CRHBP: variants seen among roughly 807,000 people sequenced by gnomAD.
CRHBP encodes corticotropin releasing hormone binding protein.
CRHBP carries 19 observed loss-of-function variants against 34.9 expected under a neutral mutation model. The ratio of observed to expected loss-of-function variants is 0.55; its 90% CI spans 0.38 to 0.80. CRHBP has a LOEUF of 0.80. Among genes scored for constraint, CRHBP ranks in the 30% least tolerant of loss-of-function variants. The probability of loss-of-function intolerance (pLI) is 0.00; values close to 1 mark genes in which losing one functional copy is unlikely to be tolerated. For synonymous variants in CRHBP, 154 were observed against 153.4 expected (o/e 1.00, Z -0.03); for missense variants, 328 against 409.2 (o/e 0.80, Z 1.71).
At position 76,961,610 on chromosome 5, in the gene CRHBP, T is replaced by C. The variant is rs1460212243; in HGVS notation, c.694-1733T>C. 3.3e-5 allele frequency among the ~76,000 whole-genome samples: 5 copies of C among 152,342 alleles called. No homozygotes were observed. In the South Asian group the frequency reaches 1.0e-3, roughly 32 times the overall value. On this transcript the variant is annotated intron_variant, in intron 5 of 6. Transcript: ENST00000274368. ...TAAAGCCTCTAAGCATCAAACCCAG[T>C]ACATAGTAGGTAGGCCCTTTAAAAA...
At chr5:76,974,846 T>A (rs72763265) in intron 2 of CRHBP, among the ~76,000 whole-genome samples, 1 of 152,070 alleles carries the variant, frequency 6.6e-6, no homozygotes, top group Non-Finnish European at 1.5e-5. Flanking sequence ...AGAGGAAATA[T>A]GGGTGAGAGA....
chr5:76,954,213 A>C, intron 3 of CRHBP, 27 bp downstream of exon 3: 1 of 1,606,712 alleles, frequency 6.2e-7, no homozygotes, highest in Non-Finnish European at 8.5e-7. Context: ...CAGCCAACCT[A>C]GCCGGAGGGC....
intron 2 of CRHBP, among the ~76,000 whole-genome samples, chr5:76,975,845 T>TACAC (rs1554043512): frequency 1.0e-5 from 1 of 97,640 alleles, no homozygotes; most frequent in African/African-American, 5.8e-5. Flanking sequence ...TATATATATA[T>TACAC]ACACGCATAT....
chr5:76,968,724 A>G lies in CRHBP; in HGVS notation c.812-4A>G, dbSNP rs771606098. The G allele has an allele frequency of 1.2e-6, 2 of 1,609,622 alleles. No homozygotes were observed. Among genetic ancestry groups the G allele is most frequent in the African/African-American group, 1.3e-5 (1 of 74,818 alleles). On this transcript the variant is annotated splice_polypyrimidine_tract_variant and splice_region_variant and intron_variant, in intron 6 of 6. Transcript: ENST00000274368. The stretch of plus-strand genomic sequence containing the variant: ...GAAACTTTTATCTTTTCCATCCATT[A>G]TAGCCCAGATGAAAGTTGGCTGTGA...
intron 3 of CRHBP, among the ~76,000 whole-genome samples, chr5:76,979,638 C>T (rs574142292): frequency 2.0e-5 from 3 of 152,198 alleles, no homozygotes; most frequent in South Asian, 2.1e-4. Context: ...CGTGAGACAC[C>T]GTGCCCAACC....
At chr5:76,953,996 C>T (rs371692916) in intron 2 of CRHBP, 33 bp from the exon 3 acceptor site, 105 of 1,588,932 alleles carry the variant, frequency 6.6e-5, no homozygotes, top group Non-Finnish European at 8.3e-5. Context: ...GGCTGCAGCC[C>T]GGGACTTATT....
chr5:76,967,637 T>C (rs1745878618), intron 6 of CRHBP, among the ~76,000 whole-genome samples: 1 of 151,730 alleles, frequency 6.6e-6, no homozygotes. Context: ...TGAGTTTCAA[T>C]ATATAACCCA....
At position 76,967,651 on chromosome 5, in the gene CRHBP, A is replaced by G. The variant is rs541511367; in HGVS notation, c.812-1077A>G. Among the ~76,000 whole-genome samples, 703 of 152,272 alleles carry G rather than the reference A, an allele frequency of 4.6e-3. 9 individuals are homozygous for G. Among genetic ancestry groups the G allele is most frequent in the African/African-American group, 0.016 (667 of 41,548 alleles). ...ATGAGTTTCAATATATAACCCATAC[A>G]GAGGAGATATAAAAGTTGTCAGATC... On this transcript the variant is annotated intron_variant, in intron 6 of 6. Transcript: ENST00000274368.
intron 5 of CRHBP, among the ~76,000 whole-genome samples, chr5:76,959,921 G>A (rs1745749807): frequency 6.6e-6 from 1 of 152,180 alleles, no homozygotes; most frequent in African/African-American, 2.4e-5. Flanking sequence ...TAATCTTGGT[G>A]TTTCCTCCCG....
chr5:76,975,936 GTATA>G lies in CRHBP; in HGVS notation n.312-415_312-412del, dbSNP rs10598432. On this transcript the variant is annotated intron_variant and non_coding_transcript_variant, in intron 2 of 3. Coordinates refer to the CRHBP transcript ENST00000514258. ...TATATGTGTATATATATGTGTGTGTGTATATATATATATATATGCGTGTATATAT... is the reference window on the plus strand; with the variant it reads ...TATATGTGTATATATATGTGTGTGTGTATATATATATATGCGTGTATATAT... Among the ~76,000 whole-genome samples, 59 of 135,218 alleles carry G rather than the reference GTATA, an allele frequency of 4.4e-4. 1 individual carries two copies. Among genetic ancestry groups the G allele is most frequent in the African/African-American group, 2.8e-4 (10 of 35,318 alleles). 88.7% of individuals were successfully genotyped at this position (135,218 alleles called of 152,430 possible).
At position 76,958,805 on chromosome 5, in the gene CRHBP, A is replaced by G. The variant is rs889280452; in HGVS notation, c.609A>G (p.Arg203=). ...CCCTGGTAGTTCCACACCAGCATCG[A>G]AACTGCAGCTTCTCCATAATTTATC... is the stretch of plus-strand genomic sequence containing the variant. ...KFTLVVPHQH[R]NCSFSIIYPV... is the part of the protein sequence containing the mutation. Residue 203 remains arginine (R), a synonymous_variant, in exon 5 of 7, where the codon CGA becomes CGG. Transcript: ENST00000274368. 4.3e-6 allele frequency: 7 copies of G among 1,614,122 alleles called. No individual in the cohort carries two copies. The highest frequency in any genetic ancestry group is 5.9e-6 in the Non-Finnish European group (7 of 1,179,986).
chr5:76,970,688 A>G (rs1462172588), downstream of CRHBP, among the ~76,000 whole-genome samples: 1 of 152,240 alleles, frequency 6.6e-6, no homozygotes, highest in African/African-American at 2.4e-5. Context: ...GAATTAAGGA[A>G]GTTACTTTTA....
rs1261516803 is a variant in CRHBP at position 76,975,833 on chromosome 5, T to A, written n.312-532T>A. ...AAAAAAAAAAAAAAAAAAATATATATATATATATATATACACGCATATATA... is the reference window on the plus strand; with the variant it reads ...AAAAAAAAAAAAAAAAAAATATATAAATATATATATATACACGCATATATA... On this transcript the variant is annotated intron_variant and non_coding_transcript_variant, in intron 2 of 3. Transcript: ENST00000514258. Among the ~76,000 whole-genome samples, 513 of 86,066 alleles carry A rather than the reference T, an allele frequency of 6.0e-3. 10 individuals are homozygous for A. Among genetic ancestry groups the A allele is most frequent in the African/African-American group, 0.022 (320 of 14,766 alleles). The allele number at this position is 86,066 out of a possible 152,430, so 56.5% of individuals were successfully genotyped here.
chr5:76,962,457 G>A lies in CRHBP; in HGVS notation c.694-886G>A, dbSNP rs115175999. 3.1e-3 allele frequency among the ~76,000 whole-genome samples: 469 copies of A among 152,060 alleles called. 5 individuals are homozygous for A. The highest frequency in any genetic ancestry group is 5.3e-3 in the Non-Finnish European group (363 of 67,990). The stretch of plus-strand genomic sequence containing the variant: ...TTGTTTGTGTTGGAAAGTGAGGCAC[G>A]GGGATTGCTATGGACAAGACAGTGT... On this transcript the variant is annotated intron_variant, in intron 5 of 6. Transcript: ENST00000274368.
downstream of CRHBP, among the ~76,000 whole-genome samples, chr5:76,972,083 G>A (rs1425218368): frequency 6.6e-6 from 1 of 151,884 alleles, no homozygotes; most frequent in Admixed American, 6.6e-5. Context: ...GCTCTATTAT[G>A]CAGGCTGGAG....
chr5:76,971,227 G>A (rs1304635417), downstream of CRHBP, among the ~76,000 whole-genome samples: 1 of 152,202 alleles, frequency 6.6e-6, no homozygotes, highest in Non-Finnish European at 1.5e-5. Context: ...ACTTGAGCAA[G>A]TCACTTATAA....
intron 5 of CRHBP, 118 bp from the exon 6 acceptor site, chr5:76,963,225 T>C (rs903845840): frequency 2.9e-6 from 2 of 686,754 alleles, no homozygotes; most frequent in Non-Finnish European, 5.1e-6. Context: ...TTAAATTAAA[T>C]GGTATTGCCA....
chr5:76,958,938 TC>T (rs1745732718), intron 5 of CRHBP, 49 bp downstream of exon 5: 1 of 1,598,046 alleles, frequency 6.3e-7, no homozygotes. Flanking sequence ...CACAACTTTA[TC>T]AGAGCAGAAG....
intron 2 of CRHBP, among the ~76,000 whole-genome samples, chr5:76,975,825 A>AAAAAAAAAAATATATATAT: frequency 1.6e-5 from 1 of 61,860 alleles, no homozygotes; most frequent in African/African-American, 9.1e-5. Flanking sequence ...AAAAAAAAAA[A>AAAAAAAAAAATATATATAT]ATATATATAT....
Sources: gnomAD v4.1 joint callset for allele counts (sites outside exome capture counted in the v4.1 genomes callset) on GRCh38, gnomAD v4.1.1 for gene constraint, MANE v1.5 for transcripts, NCBI Gene and HGNC (gene_info 2026-07-23, HGNC 2026-07-21) for gene names.